Variants in ZNF569 observed in about 807,000 individuals in gnomAD.
The protein encoded by ZNF569 is DNA-binding protein.
ZNF569 carries 38 observed loss-of-function variants against 56.3 expected under a neutral mutation model. That is an observed-to-expected ratio of 0.68 (90% CI 0.52 to 0.88). The LOEUF is 0.88. Ranked by LOEUF, ZNF569 falls within the 40% of genes least tolerant of loss-of-function variation. The probability of loss-of-function intolerance (pLI) is 0.00; values close to 1 mark genes in which losing one functional copy is unlikely to be tolerated. For missense variants in ZNF569, 666 were observed against 809.2 expected (o/e 0.82, Z 2.15); for synonymous variants, 241 against 262.9 (o/e 0.92, Z 0.81).
chr19:37,414,872 T>G (rs2040902415), intron 5 of ZNF569, among the ~76,000 whole-genome samples: 1 of 152,108 alleles, frequency 6.6e-6, no homozygotes. Context: ...TGCAAAAAAC[T>G]TATCTAAACC....
chr19:37,416,461 C>T (rs1327109017), intron 5 of ZNF569, among the ~76,000 whole-genome samples: 1 of 152,082 alleles, frequency 6.6e-6, no homozygotes, highest in African/African-American at 2.4e-5. Flanking sequence ...GGGACTGGTT[C>T]CAGGACCTCC....
upstream of ZNF569, chr19:37,467,741 G>C: frequency 1.4e-6 from 1 of 729,532 alleles, no homozygotes; most frequent in Admixed American, 2.1e-5. Flanking sequence ...TGAAACTTCG[G>C]CCATGGAATT....
chr19:37,441,721 C>T (rs1044311351), intron 3 of ZNF569, among the ~76,000 whole-genome samples: 1 of 151,594 alleles, frequency 6.6e-6, no homozygotes, highest in African/African-American at 2.4e-5. Flanking sequence ...ACCCAGGAAG[C>T]ATCTAGAGAA....
At chr19:37,432,958 C>T (rs896883595) in intron 3 of ZNF569, among the ~76,000 whole-genome samples, 3 of 140,158 alleles carry the variant, frequency 2.1e-5, no homozygotes, top group Non-Finnish European at 3.0e-5. Context: ...GGCTGGAATG[C>T]AGTGGTGTGA....
chr19:37,468,337 C>T (rs193082109), upstream of ZNF569, among the ~76,000 whole-genome samples: 39 of 152,214 alleles, frequency 2.6e-4, no homozygotes, highest in East Asian at 4.7e-3. Flanking sequence ...GATCCTCCCG[C>T]CTGGGCCTCA....
intron 2 of ZNF569, among the ~76,000 whole-genome samples, chr19:37,449,855 AATG>A (rs1264425358): frequency 2.8e-4 from 43 of 152,248 alleles, no homozygotes; most frequent in Admixed American, 1.4e-3. Flanking sequence ...GTGCATTCAG[AATG>A]ATATTAAAAT....
Position 37,417,496 on chromosome 19 carries a change from G to A in ZNF569, c.239-3077C>T, listed in dbSNP as rs148099307. ...ACTCCTGAGCTCAGATGATCCACCCGCCTCGGCCTCTCAAAGTGCTGGGAT... is the reference window on the plus strand; with the variant it reads ...ACTCCTGAGCTCAGATGATCCACCCACCTCGGCCTCTCAAAGTGCTGGGAT... On this transcript the variant is annotated intron_variant, in intron 5 of 5. Transcript: ENST00000316950. 7.4e-3 allele frequency among the ~76,000 whole-genome samples: 1,123 copies of A among 151,468 alleles called. 13 individuals carry two copies. The highest frequency in any genetic ancestry group is 0.024 in the African/African-American group (984 of 41,106).
intron 2 of ZNF569, among the ~76,000 whole-genome samples, chr19:37,455,330 T>C (rs74712345): frequency 2.6e-5 from 4 of 152,306 alleles, no homozygotes; most frequent in African/African-American, 9.6e-5. Flanking sequence ...GGAAATACTT[T>C]AGAAATAAAT....
rs369421316 is a variant in ZNF569 at position 37,439,362 on chromosome 19, T to C, written c.15+5545A>G. ...GTGGGATTACAGGCATGAGTCACCA[T>C]GCCCGGCCTTAGAATGGCTTTCATC... On this transcript the variant is annotated intron_variant, in intron 3 of 5. Coordinates refer to ENST00000316950, the MANE Select transcript of ZNF569 (RefSeq NM_152484.3). Among the ~76,000 whole-genome samples, 25 of 152,290 alleles carry C rather than the reference T, an allele frequency of 1.6e-4. No homozygotes were observed. The South Asian group carries it at 1.9e-3, about 11-fold the overall frequency.
chr19:37,465,080 C>T (rs1295350120), intron 2 of ZNF569, among the ~76,000 whole-genome samples: 1 of 152,174 alleles, frequency 6.6e-6, no homozygotes, highest in Non-Finnish European at 1.5e-5. Context: ...GGCATGTTGC[C>T]ACTTCAGAGC....
chr19:37,414,130 A>G lies in ZNF569; in HGVS notation c.528T>C (p.Asn176=). Residue 176 remains asparagine (N), a synonymous_variant, in exon 6 of 6, where the codon AAT becomes AAC. Transcript: ENST00000316950. ...GGGTAATGACAAAATGGGATGAGCT[A>G]TTACCATATGATTTCACAGGTTCAT... The part of the protein sequence containing the change: ...EYNEPVKSYG[N]SSSHFVITPF... The G allele has an allele frequency of 6.2e-7, 1 of 1,613,854 alleles. No individual in the cohort carries two copies. The highest frequency in any genetic ancestry group is 8.5e-7 in the Non-Finnish European group (1 of 1,179,918).
chr19:37,437,015 C>G (rs369220140), intron 3 of ZNF569, among the ~76,000 whole-genome samples: 1 of 100,162 alleles, frequency 1.0e-5, no homozygotes, highest in African/African-American at 3.5e-5. Context: ...CAAGACACAT[C>G]AAAAAAAAAA....
intron 5 of ZNF569, among the ~76,000 whole-genome samples, chr19:37,417,798 T>C (rs534256236): frequency 2.1e-4 from 32 of 152,260 alleles, no homozygotes; most frequent in Non-Finnish European, 2.9e-4. Flanking sequence ...TTTCAACATA[T>C]ATCCTTTTGT....
intron 3 of ZNF569, among the ~76,000 whole-genome samples, chr19:37,429,537 C>T (rs2041192256): frequency 6.6e-6 from 1 of 152,222 alleles, no homozygotes; most frequent in South Asian, 2.1e-4. Context: ...CATGCCAGAT[C>T]TGGCCATCCT....
At chr19:37,420,050 G>T (rs185841211) in intron 5 of ZNF569, among the ~76,000 whole-genome samples, 2 of 141,828 alleles carry the variant, frequency 1.4e-5, no homozygotes, top group African/African-American at 2.7e-5. Context: ...GCAGTGGCTC[G>T]ATCTCTGCTC....
intron 2 of ZNF569, among the ~76,000 whole-genome samples, chr19:37,448,593 T>C (rs1217916838): frequency 7.5e-6 from 1 of 134,128 alleles, no homozygotes; most frequent in East Asian, 2.3e-4. Flanking sequence ...AGACGGAGTC[T>C]GGCCCTGTCG....
At chr19:37,448,832 C>A (rs1035290466) in intron 2 of ZNF569, among the ~76,000 whole-genome samples, 2 of 151,992 alleles carry the variant, frequency 1.3e-5, no homozygotes, top group Non-Finnish European at 2.9e-5. Context: ...CAAAGAGCCA[C>A]CGCATCCGGC....
At chr19:37,446,190 TAAAGTGGGGAAAGGAA>T (rs2041490102) in intron 2 of ZNF569, among the ~76,000 whole-genome samples, 1 of 151,884 alleles carries the variant, frequency 6.6e-6, no homozygotes, top group Non-Finnish European at 1.5e-5. Context: ...AACAAAAACA[TAAAGTGGGGAAAGGAA>T]ACCCTATTTA....
chr19:37,450,233 A>G (rs901969585), intron 2 of ZNF569, among the ~76,000 whole-genome samples: 2 of 152,140 alleles, frequency 1.3e-5, no homozygotes. Context: ...CCATTAATTC[A>G]TCTTTAAATG....
Sources: allele counts gnomAD v4.1 joint callset (sites outside exome capture counted in the v4.1 genomes callset), GRCh38; gene constraint gnomAD v4.1.1; transcripts MANE v1.5; gene names NCBI Gene and HGNC (gene_info 2026-07-23, HGNC 2026-07-21).